SIN3B: variants seen among roughly 807,000 people sequenced by gnomAD.
SIN3B encodes SIN3 transcription regulator family member B.
In SIN3B, 19 loss-of-function variants were observed where a neutral mutation model predicts 120.2. The ratio of observed to expected loss-of-function variants is 0.16; its 90% confidence interval spans 0.11 to 0.23. SIN3B has a LOEUF of 0.23. Among genes scored for constraint, SIN3B ranks in the 10% least tolerant of loss-of-function variants. The pLI is 1.00. For synonymous variants in SIN3B, 654 were observed against 653.2 expected (o/e 1.00, Z -0.02); for missense variants, 1,073 against 1,573.0 (o/e 0.68, Z 5.38).
chr19:16,865,617 C>T lies in SIN3B; in HGVS notation c.1591C>T (p.Pro531Ser), dbSNP rs1263195610. Reference protein sequence around the residue: ...PEIIESLKKNPVTAVPVVLKR... With the variant: ...PEIIESLKKNSVTAVPVVLKR... ...GATCATCGAGAGCCTCAAGAAGAACCCTGTCACCGCTGTCCCCGTTGTCCT... is the reference window on the plus strand; with the variant it reads ...GATCATCGAGAGCCTCAAGAAGAACTCTGTCACCGCTGTCCCCGTTGTCCT... The change falls in exon 11 of 19, where the codon CCT (proline) becomes TCT (serine). Residue 531 changes from proline to serine, a missense_variant. Transcript: ENST00000248054. 6.2e-7 allele frequency: 1 copy of T among 1,611,022 alleles called. No homozygotes were observed. Among genetic ancestry groups the T allele is most frequent in the East Asian group, 2.2e-5 (1 of 44,766 alleles).
rs1231153313 is a variant in SIN3B at position 16,879,676 on chromosome 19, A to G, written c.*949A>G. On this transcript the variant is annotated 3_prime_UTR_variant, in exon 19 of 19. Transcript: ENST00000248054. The stretch of plus-strand genomic sequence containing the variant: ...TCCCAGCCGCCACCCAAGGAGCCCC[A>G]TCCGCCCACCCACCCTGGGACCCAC... The G allele has an allele frequency of 6.6e-6, 1 of 152,038 alleles. No homozygotes were observed. Among genetic ancestry groups the G allele is most frequent in the African/African-American group, 2.4e-5 (1 of 41,378 alleles). The allele number at this position is 152,038 out of a possible 1,614,324, so 9.4% of individuals were successfully genotyped here. A position where few individuals can be genotyped will look rare whatever the true frequency, so the allele number is the denominator to read the frequency against.
At chr19:16,843,540 C>T (rs531410793) in intron 4 of SIN3B, among the ~76,000 whole-genome samples, 3 of 152,270 alleles carry the variant, frequency 2.0e-5, no homozygotes, top group South Asian at 4.1e-4. Context: ...TGCTTGTGAT[C>T]GTAGAATCTG....
Position 16,866,558 on chromosome 19 carries a change from T to C in SIN3B, c.1806+2T>C. On this transcript the variant is annotated splice_donor_variant, in intron 12 of 18. Coordinates refer to ENST00000248054, the MANE Select transcript of SIN3B (RefSeq NM_001297595.2). LOFTEE classifies it high-confidence loss of function. Reference sequence around the variant, plus strand: ...GAGATCGAGAGCGTCTACGACGAGGTAAAGCCTTCCCTAGCCCTGCCGGCC... The same window carrying C: ...GAGATCGAGAGCGTCTACGACGAGGCAAAGCCTTCCCTAGCCCTGCCGGCC... The C allele has an allele frequency of 6.2e-7, 1 of 1,613,270 alleles. No homozygotes were observed. The highest frequency in any genetic ancestry group is 8.5e-7 in the Non-Finnish European group (1 of 1,179,844).
At chr19:16,850,357 T>C (rs931515049) in intron 5 of SIN3B, among the ~76,000 whole-genome samples, 1 of 152,154 alleles carries the variant, frequency 6.6e-6, no homozygotes, top group Non-Finnish European at 1.5e-5. Context: ...TTCCAGAAAT[T>C]TCCTCTGCAT....
Position 16,851,550 on chromosome 19 carries a change from A to G in SIN3B, c.849+16A>G, listed in dbSNP as rs1971546432. Reference sequence around the variant, plus strand: ...ACCCGCCAAGGTACCTGTGAGCCACATGCAGCCATGCCTGCACGCGGGGCC... The same window carrying G: ...ACCCGCCAAGGTACCTGTGAGCCACGTGCAGCCATGCCTGCACGCGGGGCC... On this transcript the variant is annotated intron_variant, in intron 6 of 18. Coordinates refer to ENST00000248054, the MANE Select transcript of SIN3B (RefSeq NM_001297595.2). 1.9e-6 allele frequency: 3 copies of G among 1,581,868 alleles called. No individual in the cohort carries two copies. Among genetic ancestry groups the G allele is most frequent in the Non-Finnish European group, 2.6e-6 (3 of 1,164,046 alleles).
chr19:16,856,545 C>T (rs915828426), intron 8 of SIN3B, among the ~76,000 whole-genome samples: 5 of 151,534 alleles, frequency 3.3e-5, no homozygotes, highest in African/African-American at 4.8e-5. Flanking sequence ...CCTAAAGAAT[C>T]GAAGAGCATG....
intron 8 of SIN3B, chr19:16,854,643 C>T (rs1281384324): frequency 5.6e-6 from 1 of 178,918 alleles, no homozygotes; most frequent in Admixed American, 6.3e-5. Flanking sequence ...CAAAGATGTG[C>T]ATGTTAGGTT....
Position 16,878,178 on chromosome 19 carries a change from C to G in SIN3B, c.2955-5C>G. Reference sequence around the variant, plus strand: ...AGAGTCCATTCCACCTCCTTTCGCCCCCAGGAACCTCAAGAAGTTCCGCCG... The same window carrying G: ...AGAGTCCATTCCACCTCCTTTCGCCGCCAGGAACCTCAAGAAGTTCCGCCG... On this transcript the variant is annotated splice_polypyrimidine_tract_variant and splice_region_variant and intron_variant, in intron 17 of 18. Coordinates refer to ENST00000248054, the MANE Select transcript of SIN3B (RefSeq NM_001297595.2). 1 of 1,560,824 alleles carries G rather than the reference C, an allele frequency of 6.4e-7. No individual in the cohort carries two copies. Among genetic ancestry groups the G allele is most frequent in the Non-Finnish European group, 8.7e-7 (1 of 1,150,460 alleles).
In SIN3B at chr19:16,863,804, T is replaced by C. The variant is rs780509139; in HGVS notation, c.1383+8T>C. 2.4e-5 allele frequency: 38 copies of C among 1,605,786 alleles called. No homozygotes were observed. The highest frequency in any genetic ancestry group is 3.2e-5 in the Non-Finnish European group (37 of 1,173,252). On this transcript the variant is annotated splice_region_variant and intron_variant, in intron 10 of 18. Transcript: ENST00000248054. ...GAGGACGAGCGCTTCGAGGTGTGTGTGCTGCTGTGGCCGGGTCCCCCGGCA... is the reference window on the plus strand; with the variant it reads ...GAGGACGAGCGCTTCGAGGTGTGTGCGCTGCTGTGGCCGGGTCCCCCGGCA...
chr19:16,848,036 C>A (rs1256291554), intron 5 of SIN3B, among the ~76,000 whole-genome samples: 1 of 152,192 alleles, frequency 6.6e-6, no homozygotes, highest in Non-Finnish European at 1.5e-5. Context: ...TCCTCTCACT[C>A]AGCATCATGT....
intron 3 of SIN3B, among the ~76,000 whole-genome samples, chr19:16,837,726 G>T (rs1244599040): frequency 6.6e-6 from 1 of 152,166 alleles, no homozygotes; most frequent in African/African-American, 2.4e-5. Context: ...ACCAGAGGGG[G>T]TTCCCATGTG....
chr19:16,829,919 ACCTCAGGGGACCC>A (rs747290446), intron 2 of SIN3B, 22 bp downstream of exon 2: 5 of 1,536,468 alleles, frequency 3.3e-6, no homozygotes, highest in Non-Finnish European at 4.5e-6. Context: ...GCCCCTCTCC[ACCTCAGGGGACCC>A]CCCTGGGCCG....
In SIN3B at chr19:16,862,077, G is replaced by A. The variant is rs1161796608; in HGVS notation, c.1059-275G>A. Among the ~76,000 whole-genome samples the A allele has an allele frequency of 6.6e-6, 1 of 152,202 alleles. No homozygotes were observed. Among genetic ancestry groups the A allele is most frequent in the African/African-American group, 2.4e-5 (1 of 41,456 alleles). On this transcript the variant is annotated intron_variant, in intron 8 of 18. Coordinates refer to ENST00000248054, the MANE Select transcript of SIN3B (RefSeq NM_001297595.2). This position sits in a 1 kb window ranked among gnomAD's most constrained non-coding sequence, Gnocchi z 4.7. ...TCTGCCAGTTTAAGTCATCTTTTCT[G>A]GTGTATTTCAAAGCCTTACTGTGAG...
intron 10 of SIN3B, chr19:16,865,158 G>A (rs940219365): frequency 2.4e-6 from 1 of 418,212 alleles, no homozygotes; most frequent in African/African-American, 2.0e-5. Flanking sequence ...GCCAGGCATG[G>A]TGGTGCACAC....
chr19:16,851,150 C>T (rs1296983023), intron 5 of SIN3B, among the ~76,000 whole-genome samples: 1 of 152,268 alleles, frequency 6.6e-6, no homozygotes, highest in Non-Finnish European at 1.5e-5. Flanking sequence ...CTGAAACCCC[C>T]AGCCCTTCTC....
intron 3 of SIN3B, among the ~76,000 whole-genome samples, chr19:16,839,378 G>A (rs933138626): frequency 1.3e-5 from 2 of 152,164 alleles, no homozygotes; most frequent in Admixed American, 1.3e-4. Flanking sequence ...AACCTGTTGA[G>A]GTAACTGCCA....
chr19:16,852,157 C>T (rs1198463125), intron 6 of SIN3B, among the ~76,000 whole-genome samples: 1 of 152,156 alleles, frequency 6.6e-6, no homozygotes, highest in Non-Finnish European at 1.5e-5. Context: ...GACAGAGTCT[C>T]GCTCTGTCAC....
chr19:16,832,942 G>A (rs1411259657), intron 3 of SIN3B, among the ~76,000 whole-genome samples: 1 of 152,162 alleles, frequency 6.6e-6, no homozygotes, highest in African/African-American at 2.4e-5. Flanking sequence ...CCCATTTAAG[G>A]CATAATTCTT....
intron 12 of SIN3B, among the ~76,000 whole-genome samples, chr19:16,867,869 C>T (rs1425208129): frequency 6.6e-6 from 1 of 152,192 alleles, no homozygotes; most frequent in Non-Finnish European, 1.5e-5. Flanking sequence ...CGGCGATCCT[C>T]AAGCCCAAGA....
Sources: allele counts gnomAD v4.1 joint callset (sites outside exome capture counted in the v4.1 genomes callset), GRCh38; gene constraint gnomAD v4.1.1; non-coding constraint Gnocchi (gnomAD v3.1); transcripts MANE v1.5; gene names NCBI Gene and HGNC (gene_info 2026-07-23, HGNC 2026-07-21).